TTPA: variants seen among roughly 807,000 people sequenced by gnomAD.
TTPA encodes alpha-tocopherol transfer protein.
In TTPA, 23 loss-of-function variants were observed where a neutral mutation model predicts 25.9. That is an observed-to-expected ratio of 0.89 (90% confidence interval 0.64 to 1.26). The LOEUF (loss-of-function observed/expected upper bound fraction) is 1.26. TTPA is among the 50% of genes most tolerant of loss of function. The probability of loss-of-function intolerance (pLI) is 0.00; values close to 1 mark genes in which losing one functional copy is unlikely to be tolerated. For missense variants in TTPA, 337 were observed against 353.1 expected (o/e 0.95, Z 0.37); for synonymous variants, 148 against 137.3 (o/e 1.08, Z -0.54).
chr8:63,064,596 T>C (rs1007554658), intron 3 of TTPA, among the ~76,000 whole-genome samples: 4 of 152,210 alleles, frequency 2.6e-5, no homozygotes, highest in Non-Finnish European at 4.4e-5. Context: ...TCCCATCACA[T>C]ATAGATGTTC....
intron 1 of TTPA, among the ~76,000 whole-genome samples, chr8:63,077,218 C>T (rs1805576641): frequency 6.6e-6 from 1 of 152,172 alleles, no homozygotes; most frequent in African/African-American, 2.4e-5. Context: ...AGGAACAGCT[C>T]CAGTCTGCAA....
intron 1 of TTPA, among the ~76,000 whole-genome samples, chr8:63,076,706 A>G (rs1805567585): frequency 6.6e-6 from 1 of 152,208 alleles, no homozygotes; most frequent in African/African-American, 2.4e-5. Flanking sequence ...TAAATGAAAC[A>G]TGTTTTATTG....
chr8:63,059,001 A>G (rs1318175006), downstream of TTPA, among the ~76,000 whole-genome samples: 2 of 147,340 alleles, frequency 1.4e-5, no homozygotes, highest in South Asian at 2.1e-4. Context: ...AGTGTTTTTT[A>G]GAAAACAGGC....
chr8:63,082,336 C>T (rs1203606066), intron 1 of TTPA, among the ~76,000 whole-genome samples: 1 of 152,056 alleles, frequency 6.6e-6, no homozygotes, highest in East Asian at 1.9e-4. Context: ...GAAATAACAC[C>T]ACACATCTAC....
In TTPA at chr8:63,066,054, T is replaced by A; in HGVS notation, c.402A>T (p.Arg134=). 6.2e-7 allele frequency: 1 copy of A among 1,613,236 alleles called. No homozygotes were observed. Among genetic ancestry groups the A allele is most frequent in the Non-Finnish European group, 8.5e-7 (1 of 1,179,910 alleles). The stretch of plus-strand genomic sequence containing the variant: ...TAAGCTCGGATGTGATTAGACTTAC[T>A]CGAAATACGTCATAAGCTGTAAAAA... ...PKVFTAYDVF[R]VSLITSELIV... Residue 134 remains arginine, a synonymous_variant, in exon 3 of 5, where the codon CGA becomes CGT. Coordinates refer to ENST00000260116, the MANE Select transcript of TTPA (RefSeq NM_000370.3).
intron 1 of TTPA, among the ~76,000 whole-genome samples, chr8:63,075,039 T>C (rs951924862): frequency 6.6e-6 from 1 of 152,226 alleles, no homozygotes; most frequent in Non-Finnish European, 1.5e-5. Context: ...GATCTAAACC[T>C]GGAACTTTGG....
chr8:63,079,252 TGCTATGAA>T (rs1354546627), intron 1 of TTPA, among the ~76,000 whole-genome samples: 1 of 152,158 alleles, frequency 6.6e-6, no homozygotes, highest in Admixed American at 6.5e-5. Flanking sequence ...AGACCATCAA[TGCTATGAA>T]GCAACTGCAT....
rs1805738780 is a variant in TTPA, at chr8:63,085,749, G to A, written c.204+69C>T. ...GGGCTTCGGCAGGGGTCAGATATCC[G>A]GGGTCGTGGGGCGGGGGACGGGGCG... On this transcript the variant is annotated intron_variant, in intron 1 of 4. Coordinates refer to ENST00000260116, the MANE Select transcript of TTPA (RefSeq NM_000370.3). The A allele has an allele frequency of 2.3e-5, 34 of 1,507,060 alleles. No individual in the cohort carries two copies. The South Asian group carries it at 3.9e-4, about 17-fold the overall frequency. The allele number at this position is 1,507,060 out of a possible 1,614,324, so 93.4% of individuals were successfully genotyped here. A position where few individuals can be genotyped will look rare whatever the true frequency, so the allele number is the denominator to read the frequency against.
intron 4 of TTPA, among the ~76,000 whole-genome samples, chr8:63,061,874 T>C (rs911639944): frequency 2.0e-5 from 3 of 152,208 alleles, no homozygotes; most frequent in Non-Finnish European, 2.9e-5. Context: ...AAACAATTTA[T>C]ATGGTACAGT....
intron 1 of TTPA, among the ~76,000 whole-genome samples, chr8:63,077,360 G>A (rs955880834): frequency 6.6e-6 from 1 of 152,210 alleles, no homozygotes; most frequent in Non-Finnish European, 1.5e-5. Flanking sequence ...GCGGGGCATT[G>A]CCTCACCCAG....
At chr8:63,074,730 C>T (rs1377137301) in intron 1 of TTPA, among the ~76,000 whole-genome samples, 1 of 152,048 alleles carries the variant, frequency 6.6e-6, no homozygotes, top group Non-Finnish European at 1.5e-5. Flanking sequence ...TTTTTCATTC[C>T]AATTCAAGTA....
At chr8:63,082,197 A>C (rs1805674388) in intron 1 of TTPA, among the ~76,000 whole-genome samples, 1 of 152,206 alleles carries the variant, frequency 6.6e-6, no homozygotes. Flanking sequence ...AATCCTAAGC[A>C]GAAAGAACAA....
At chr8:63,061,776 C>G (rs1325228887) in intron 4 of TTPA, among the ~76,000 whole-genome samples, 4 of 152,188 alleles carry the variant, frequency 2.6e-5, no homozygotes, top group Non-Finnish European at 5.9e-5. Context: ...TACCTTGGGA[C>G]TATTCTATAC....
At chr8:63,072,420 AC>A (rs1805496877) in intron 2 of TTPA, among the ~76,000 whole-genome samples, 1 of 151,794 alleles carries the variant, frequency 6.6e-6, no homozygotes, top group Admixed American at 6.6e-5. Flanking sequence ...GCACCACCAC[AC>A]CCAGCTAATT....
At chr8:63,069,295 A>T (rs1033146536) in intron 2 of TTPA, among the ~76,000 whole-genome samples, 1 of 152,086 alleles carries the variant, frequency 6.6e-6, no homozygotes, top group Non-Finnish European at 1.5e-5. Context: ...AATGATTAAA[A>T]AAAAAAAAAA....
intron 2 of TTPA, 71 bp downstream of exon 2, chr8:63,072,859 GAGAGA>G: frequency 1.3e-6 from 2 of 1,528,908 alleles, no homozygotes; most frequent in South Asian, 1.1e-5. Context: ...ATGGAAGAAA[GAGAGA>G]AGAGGAGAGG....
intron 1 of TTPA, among the ~76,000 whole-genome samples, chr8:63,081,378 C>T (rs914804029): frequency 6.6e-6 from 1 of 152,098 alleles, no homozygotes; most frequent in Non-Finnish European, 1.5e-5. Flanking sequence ...TAAACAGAAT[C>T]AATGACAAAA....
Position 63,085,850 on chromosome 8 carries a change from C to G in TTPA, c.172G>C (p.Ala58Pro), listed in dbSNP as rs982650476. 6.5e-7 allele frequency: 1 copy of G among 1,536,418 alleles called. No homozygotes were observed. Among genetic ancestry groups the G allele is most frequent in the Admixed American group, 2.0e-5 (1 of 50,860 alleles). The change falls in exon 1 of 5, where the codon GCC (alanine) becomes CCC (proline). Residue 58 changes from alanine to proline, a missense_variant. Transcript: ENST00000260116. ...GCCAGGTCCAGATCGAAATCCCGGG[C>G]GCGCAGGAACCGCAGCAGGAAGGAG... ...TDSFLLRFLR[A>P]RDFDLDLAWR...
At chr8:63,085,470 C>T (rs910638017) in intron 1 of TTPA, among the ~76,000 whole-genome samples, 21 of 152,232 alleles carry the variant, frequency 1.4e-4, no homozygotes, top group Non-Finnish European at 2.6e-4. Flanking sequence ...GTTTGTACCA[C>T]AGGCTTTCCT....
Sources: gnomAD v4.1 joint callset for allele counts (sites outside exome capture counted in the v4.1 genomes callset) on GRCh38, gnomAD v4.1.1 for gene constraint, MANE v1.5 for transcripts, NCBI Gene and HGNC (gene_info 2026-07-23, HGNC 2026-07-21) for gene names.